The following SMYD3 variants were observed in gnomAD, a reference collection of about 807,000 sequenced individuals.
SMYD3 encodes the protein SET and MYND domain containing 3.
Under a neutral mutation model 57.7 loss-of-function variants are expected in SMYD3, and 36 were observed. The ratio of observed to expected loss-of-function variants is 0.62; its 90% CI spans 0.48 to 0.82. The LOEUF is 0.82. SMYD3 is among the 40% of genes least tolerant of loss of function. SMYD3 has a pLI of 0.00. For synonymous variants in SMYD3, 211 were observed against 195.0 expected (o/e 1.08, Z -0.68); for missense variants, 515 against 538.8 (o/e 0.96, Z 0.44).
intron 10 of SMYD3, among the ~76,000 whole-genome samples, chr1:245,817,158 T>G (rs1315783772): frequency 6.7e-6 from 1 of 150,194 alleles, no homozygotes; most frequent in Admixed American, 6.7e-5. Flanking sequence ...TCTGACAGCT[T>G]TGAAGAGAGC....
At chr1:245,933,314 T>C (rs1159743105) in intron 5 of SMYD3, among the ~76,000 whole-genome samples, 2 of 152,136 alleles carry the variant, frequency 1.3e-5, no homozygotes, top group Non-Finnish European at 2.9e-5. Flanking sequence ...AAAAAATAAA[T>C]GCAACTGGGT....
intron 5 of SMYD3, among the ~76,000 whole-genome samples, chr1:246,238,741 A>C (rs2063551430): frequency 6.6e-6 from 1 of 152,170 alleles, no homozygotes. Flanking sequence ...GAAACTCCTT[A>C]CATATATTAT....
At chr1:246,415,442 C>A (rs1400592275) in intron 1 of SMYD3, among the ~76,000 whole-genome samples, 1 of 152,172 alleles carries the variant, frequency 6.6e-6, no homozygotes, top group South Asian at 2.1e-4. Context: ...TTAATCCTCA[C>A]AACAATCCCA....
At chr1:245,925,295 G>A (rs1008083064) in intron 7 of SMYD3, among the ~76,000 whole-genome samples, 12 of 152,086 alleles carry the variant, frequency 7.9e-5, no homozygotes, top group Admixed American at 2.0e-4. Context: ...ATCAAGTGAT[G>A]GTATTTAGGT....
intron 7 of SMYD3, among the ~76,000 whole-genome samples, chr1:245,924,884 A>T (rs1295240601): frequency 6.6e-6 from 1 of 151,966 alleles, no homozygotes; most frequent in Non-Finnish European, 1.5e-5. Flanking sequence ...GGCTGGATGC[A>T]AACTCCTGAC....
intron 5 of SMYD3, among the ~76,000 whole-genome samples, chr1:246,235,993 CAGAGT>C (rs995318520): frequency 6.6e-5 from 10 of 152,060 alleles, no homozygotes; most frequent in Non-Finnish European, 1.5e-5. Context: ...CACTACTCTA[CAGAGT>C]AAAGACTTAT....
intron 10 of SMYD3, among the ~76,000 whole-genome samples, chr1:245,771,347 A>G (rs1372788262): frequency 6.6e-6 from 1 of 152,204 alleles, no homozygotes; most frequent in South Asian, 2.1e-4. Flanking sequence ...ATGAAAGTTC[A>G]TATTATTCTA....
At chr1:246,112,811 C>G (rs550327940) in intron 5 of SMYD3, among the ~76,000 whole-genome samples, 1 of 152,186 alleles carries the variant, frequency 6.6e-6, no homozygotes, top group African/African-American at 2.4e-5. Flanking sequence ...TATATTTACA[C>G]AGAAATAATT....
rs1347063159 is a variant in SMYD3 at position 246,330,514 on chromosome 1, T to C, written c.360A>G (p.Ser120=). ...FKLMDGAPSE[S]EKLYSFYDLE... ...GATCATAAAATGAGTAAAGCTTCTC[T>C]GATTCTGAAGGTGCTCCATCCATCT... The change falls in exon 4 of 12, where the codon TCA becomes TCG. Residue 120 remains serine, a synonymous_variant. Transcript: ENST00000490107. 6.3e-7 allele frequency: 1 copy of C among 1,596,284 alleles called. No individual in the cohort carries two copies. The highest frequency in any genetic ancestry group is 1.2e-5 in the South Asian group (1 of 85,444).
intron 5 of SMYD3, among the ~76,000 whole-genome samples, chr1:246,040,016 A>G (rs1229370995): frequency 6.6e-6 from 1 of 152,226 alleles, no homozygotes; most frequent in African/African-American, 2.4e-5. Context: ...AACGTCCGAC[A>G]TGATCTGTGA....
At chr1:245,890,292 C>A (rs2053309295) in intron 8 of SMYD3, among the ~76,000 whole-genome samples, 1 of 152,096 alleles carries the variant, frequency 6.6e-6, no homozygotes, top group Admixed American at 6.6e-5. Context: ...AGTAAAGAGA[C>A]AACCCACAGA....
chr1:246,064,992 A>G (rs2060317396), intron 5 of SMYD3, among the ~76,000 whole-genome samples: 1 of 152,124 alleles, frequency 6.6e-6, no homozygotes, highest in African/African-American at 2.4e-5. Context: ...CTTCACTTAC[A>G]CTTTATTTGT....
At chr1:246,313,157 C>T (rs1329274623) in intron 5 of SMYD3, among the ~76,000 whole-genome samples, 1 of 152,122 alleles carries the variant, frequency 6.6e-6, no homozygotes, top group African/African-American at 2.4e-5. Flanking sequence ...CTGCCCACCT[C>T]GGCCTCCCAA....
intron 10 of SMYD3, among the ~76,000 whole-genome samples, chr1:245,808,133 A>G (rs930813441): frequency 1.3e-5 from 2 of 152,236 alleles, no homozygotes; most frequent in Non-Finnish European, 2.9e-5. Context: ...GCACATTTTC[A>G]TGATATGCTA....
intron 1 of SMYD3, among the ~76,000 whole-genome samples, chr1:246,461,815 T>C (rs1433841902): frequency 1.3e-5 from 2 of 152,214 alleles, no homozygotes; most frequent in African/African-American, 4.8e-5. Context: ...GTACCACTAT[T>C]AGCTGGTTTT....
intron 2 of SMYD3, among the ~76,000 whole-genome samples, chr1:246,354,128 A>G (rs1024063800): frequency 1.4e-4 from 21 of 152,220 alleles, no homozygotes; most frequent in African/African-American, 7.2e-5. Flanking sequence ...ATAAGAAACA[A>G]AAAGGATGAG....
chr1:246,076,647 A>C (rs1286182888), intron 5 of SMYD3, among the ~76,000 whole-genome samples: 3 of 150,346 alleles, frequency 2.0e-5, no homozygotes, highest in African/African-American at 7.4e-5. Flanking sequence ...ATTTATTTTA[A>C]CTGCTCCCAC....
At chr1:246,187,465 T>G (rs929102049) in intron 5 of SMYD3, among the ~76,000 whole-genome samples, 2 of 152,152 alleles carry the variant, frequency 1.3e-5, no homozygotes, top group East Asian at 1.9e-4. Context: ...GAATAATGTT[T>G]AAAACTAATT....
At chr1:245,947,774 G>A (rs879724517) in intron 5 of SMYD3, among the ~76,000 whole-genome samples, 61 of 148,658 alleles carry the variant, frequency 4.1e-4, no homozygotes, top group African/African-American at 1.4e-3. Context: ...ATTATGTTAC[G>A]TACCACTAAG....
Sources: allele counts gnomAD v4.1 joint callset (sites outside exome capture counted in the v4.1 genomes callset), GRCh38; gene constraint gnomAD v4.1.1; transcripts MANE v1.5; gene names NCBI Gene and HGNC (gene_info 2026-07-23, HGNC 2026-07-21).